COL19A1: variants seen among roughly 807,000 people sequenced by gnomAD.
COL19A1 encodes collagen type XIX alpha 1 chain, also known as collagen alpha-1(XIX) chain.
Under a neutral mutation model 190.2 loss-of-function variants are expected in COL19A1, and 159 were observed. That is an observed-to-expected ratio of 0.84 (90% CI 0.73 to 0.95). The LOEUF is 0.95. COL19A1 is among the 40% of genes least tolerant of loss of function. The pLI, the probability that COL19A1 is intolerant of heterozygous loss-of-function variation, is 0.00. For missense variants in COL19A1, 1,418 were observed against 1,431.9 expected, an observed-to-expected ratio of 0.99 and a Z score of 0.16; for synonymous variants, 509 against 458.9, an observed-to-expected ratio of 1.11 and a Z score of -1.39.
chr6:70,188,610 C>CT (rs1766672859), intron 47 of COL19A1, among the ~76,000 whole-genome samples: 1 of 152,198 alleles, frequency 6.6e-6, no homozygotes, highest in Non-Finnish European at 1.5e-5. Flanking sequence ...CTAATGTCTC[C>CT]TTACACTACA....
chr6:70,193,310 C>T (rs973436507), intron 48 of COL19A1, among the ~76,000 whole-genome samples: 1 of 152,194 alleles, frequency 6.6e-6, no homozygotes, highest in Non-Finnish European at 1.5e-5. Context: ...TCAGAGGAGG[C>T]AGGTCAGGGG....
chr6:70,158,030 G>A (rs1787550633), intron 34 of COL19A1, among the ~76,000 whole-genome samples: 1 of 152,166 alleles, frequency 6.6e-6, no homozygotes, highest in South Asian at 2.1e-4. Context: ...CATAAATTCT[G>A]TAACACAGTT....
intron 14 of COL19A1, among the ~76,000 whole-genome samples, chr6:70,040,275 G>A (rs1779570977): frequency 6.6e-6 from 1 of 152,116 alleles, no homozygotes; most frequent in South Asian, 2.1e-4. Flanking sequence ...GTGGAAGAGA[G>A]AGAATAAAGA....
chr6:69,904,124 G>A (rs529197766), intron 4 of COL19A1, among the ~76,000 whole-genome samples: 13 of 152,248 alleles, frequency 8.5e-5, no homozygotes, highest in Admixed American at 8.5e-4. Flanking sequence ...ATCACTCGGG[G>A]GCACTGAGCC....
chr6:70,084,732 G>T (rs1357383347), intron 15 of COL19A1, among the ~76,000 whole-genome samples: 4 of 152,178 alleles, frequency 2.6e-5, no homozygotes, highest in African/African-American at 9.7e-5. Flanking sequence ...AGTGGCTTTG[G>T]TGAAGCCAAC....
chr6:69,907,858 A>C (rs1770665069), intron 4 of COL19A1, among the ~76,000 whole-genome samples: 1 of 152,202 alleles, frequency 6.6e-6, no homozygotes, highest in South Asian at 2.1e-4. Flanking sequence ...TGGGCCAGGC[A>C]CTTTGCTAGG....
intron 11 of COL19A1, among the ~76,000 whole-genome samples, chr6:69,991,754 C>A (rs897011183): frequency 1.2e-4 from 18 of 151,744 alleles, no homozygotes; most frequent in Admixed American, 9.2e-4. Flanking sequence ...TTTACTTGTC[C>A]ACTTGTTTAA....
chr6:70,087,474 G>A (rs952271047), intron 15 of COL19A1, among the ~76,000 whole-genome samples: 2 of 152,028 alleles, frequency 1.3e-5, no homozygotes, highest in Non-Finnish European at 2.9e-5. Flanking sequence ...TTAGGAGGTC[G>A]GTATGGCTAG....
rs1024248129 is a variant in COL19A1, at chr6:70,160,167, T to C, written c.2293-1733T>C. Among the ~76,000 whole-genome samples, 3 of 152,092 alleles carry C rather than the reference T, an allele frequency of 2.0e-5. No individual in the cohort carries two copies. The South Asian group carries it at 6.2e-4, about 32-fold the overall frequency. On this transcript the variant is annotated intron_variant, in intron 34 of 50. Coordinates refer to ENST00000620364, the MANE Select transcript of COL19A1 (RefSeq NM_001858.6). The stretch of plus-strand genomic sequence containing the variant: ...TAATTTATAAAAGAAAGAGGTTTAA[T>C]TGACCCACAGCTCCACGTGGCTGGG...
chr6:70,198,036 T>G (rs1304538216), intron 48 of COL19A1, among the ~76,000 whole-genome samples: 2 of 152,214 alleles, frequency 1.3e-5, no homozygotes, highest in African/African-American at 4.8e-5. Flanking sequence ...TCAGAAGTAA[T>G]TTACTCTTTA....
At chr6:69,988,082 T>G (rs1196778354) in intron 11 of COL19A1, among the ~76,000 whole-genome samples, 3 of 152,206 alleles carry the variant, frequency 2.0e-5, no homozygotes, top group African/African-American at 7.2e-5. Flanking sequence ...CAGATCTTTA[T>G]TTTGTTTTTT....
rs201540804 is a variant in COL19A1 at position 70,168,026 on chromosome 6, G to T, written c.2447G>T (p.Gly816Val). Reference protein sequence around the residue: ...PGKPGPPGPPGIPFNERNGMS... With the variant: ...PGKPGPPGPPVIPFNERNGMS... ...TCTGTATCTCACCTCTTTCCTAAGG[G>T]TATTCCATTTAATGAACGAAACGGC... Residue 816 changes from glycine (G) to valine (V), a missense_variant and splice_region_variant, in exon 38 of 51, where the codon GGT becomes GTT. Gly to Val is a moderately radical substitution (Grantham distance 109). Coordinates refer to ENST00000620364, the MANE Select transcript of COL19A1 (RefSeq NM_001858.6). 8.8e-4 allele frequency: 1,393 copies of T among 1,589,778 alleles called. 21 individuals carry two copies. In the South Asian group the frequency reaches 0.015, roughly 17 times the overall value.
intron 12 of COL19A1, among the ~76,000 whole-genome samples, chr6:70,027,791 G>A (rs1454638500): frequency 6.6e-6 from 1 of 151,702 alleles, no homozygotes; most frequent in Non-Finnish European, 1.5e-5. Context: ...TTTGATTGTG[G>A]CCTAATACAA....
intron 11 of COL19A1, among the ~76,000 whole-genome samples, chr6:70,017,936 A>G (rs991812227): frequency 2.0e-5 from 3 of 152,098 alleles, no homozygotes; most frequent in African/African-American, 7.2e-5. Context: ...ATGAATGCAA[A>G]CAGGAGTATT....
intron 48 of COL19A1, among the ~76,000 whole-genome samples, chr6:70,193,841 C>G (rs1042775119): frequency 1.1e-4 from 17 of 152,164 alleles, no homozygotes; most frequent in Admixed American, 1.1e-3. Flanking sequence ...TTAGAAATCA[C>G]TTTTTCCATG....
At chr6:70,117,069 C>A (rs1784621438) in intron 16 of COL19A1, among the ~76,000 whole-genome samples, 1 of 152,070 alleles carries the variant, frequency 6.6e-6, no homozygotes, top group African/African-American at 2.4e-5. Flanking sequence ...GAAAATAGTT[C>A]AAGATTGAGG....
At chr6:70,077,897 G>C (rs552944247) in intron 15 of COL19A1, among the ~76,000 whole-genome samples, 1 of 151,852 alleles carries the variant, frequency 6.6e-6, no homozygotes, top group East Asian at 1.9e-4. Flanking sequence ...AAAAGAGCAA[G>C]ATATCATTGG....
intron 11 of COL19A1, among the ~76,000 whole-genome samples, chr6:70,016,424 T>C (rs1778111137): frequency 8.3e-6 from 1 of 120,548 alleles, no homozygotes; most frequent in Admixed American, 8.1e-5. Flanking sequence ...AAAGCAAACA[T>C]GGAAATGTTT....
intron 4 of COL19A1, among the ~76,000 whole-genome samples, chr6:69,920,530 A>G (rs1465834542): frequency 6.6e-6 from 1 of 152,206 alleles, no homozygotes; most frequent in Non-Finnish European, 1.5e-5. Flanking sequence ...GCCAGTGTGA[A>G]GTGGACTCCC....
Sources: gnomAD v4.1 joint callset for allele counts (sites outside exome capture counted in the v4.1 genomes callset) on GRCh38, gnomAD v4.1.1 for gene constraint, MANE v1.5 for transcripts, NCBI Gene and HGNC (gene_info 2026-07-23, HGNC 2026-07-21) for gene names.